The following SLC5A12 variants were observed in gnomAD, a reference collection of about 807,000 sequenced individuals.
SLC5A12 encodes the protein solute carrier family 5 member 12, also known as sodium-coupled monocarboxylate transporter 2.
SLC5A12 carries 46 observed loss-of-function variants against 72.7 expected under a neutral mutation model. That is an observed-to-expected ratio of 0.63 (90% CI 0.50 to 0.81). The LOEUF (loss-of-function observed/expected upper bound fraction) is 0.81. Ranked by LOEUF, SLC5A12 falls within the 30% of genes least tolerant of loss-of-function variation. SLC5A12 has a pLI of 0.00. For missense variants in SLC5A12, 683 were observed against 740.7 expected, an observed-to-expected ratio of 0.92 and a Z score of 0.90; for synonymous variants, 275 against 264.4, an observed-to-expected ratio of 1.04 and a Z score of -0.39.
At chr11:26,709,723 T>C (rs1855176565) in intron 3 of SLC5A12, among the ~76,000 whole-genome samples, 1 of 152,024 alleles carries the variant, frequency 6.6e-6, no homozygotes, top group Non-Finnish European at 1.5e-5. Flanking sequence ...ACATGAGCCA[T>C]GAGCAGGGAT....
At chr11:26,715,027 C>G (rs991175297) in intron 1 of SLC5A12, among the ~76,000 whole-genome samples, 2 of 151,828 alleles carry the variant, frequency 1.3e-5, no homozygotes, top group Non-Finnish European at 2.9e-5. Flanking sequence ...GTAGAAAACA[C>G]TGAAATGTCT....
At chr11:26,709,457 C>T (rs1284420880) in intron 3 of SLC5A12, 78 bp from the exon 4 acceptor site, 1 of 1,097,892 alleles carries the variant, frequency 9.1e-7, no homozygotes, top group Non-Finnish European at 1.3e-6. Flanking sequence ...GAAAAAGACA[C>T]AATATTTTTA....
chr11:26,720,349 A>ATAAG (rs1554997300), intron 1 of SLC5A12, among the ~76,000 whole-genome samples: 1 of 150,752 alleles, frequency 6.6e-6, no homozygotes, highest in Non-Finnish European at 1.5e-5. Flanking sequence ...AAATAAATAA[A>ATAAG]TAAGTAAATA....
At chr11:26,693,011 T>C (rs532709210) in intron 8 of SLC5A12, among the ~76,000 whole-genome samples, 1 of 152,300 alleles carries the variant, frequency 6.6e-6, no homozygotes, top group East Asian at 1.9e-4. Flanking sequence ...TAATTATTCA[T>C]TCATTTATTT....
intron 13 of SLC5A12, among the ~76,000 whole-genome samples, chr11:26,676,200 T>C (rs1393288073): frequency 6.6e-6 from 1 of 152,156 alleles, no homozygotes. Context: ...ATTAATTATC[T>C]AATACAAAGA....
intron 1 of SLC5A12, 22 bp downstream of exon 1, chr11:26,721,351 GAGA>G: frequency 1.3e-6 from 2 of 1,543,578 alleles, no homozygotes; most frequent in African/African-American, 1.4e-5. Flanking sequence ...AAAAAAATTA[GAGA>G]AGAATGGAGA....
intron 9 of SLC5A12, among the ~76,000 whole-genome samples, chr11:26,691,463 G>GT (rs34043474): frequency 0.14 from 20,442 of 150,120 alleles, 1,733 homozygotes; most frequent in African/African-American, 0.24. Context: ...TTATGTACAT[G>GT]TTTTTTTTTG....
intron 12 of SLC5A12, among the ~76,000 whole-genome samples, chr11:26,679,564 C>G (rs1286067041): frequency 6.6e-6 from 1 of 151,954 alleles, no homozygotes; most frequent in African/African-American, 2.4e-5. Context: ...GAATAGGAGA[C>G]ACTAGTATGG....
chr11:26,668,387 GA>G lies in SLC5A12; in HGVS notation c.*2714del, dbSNP rs1210368764. 1 of 151,986 alleles carries G rather than the reference GA, an allele frequency of 6.6e-6. No homozygotes were observed. Among genetic ancestry groups the G allele is most frequent in the East Asian group, 1.9e-4 (1 of 5,178 alleles). The allele number at this position is 151,986 out of a possible 1,614,324, so 9.4% of individuals were successfully genotyped here. On this transcript the variant is annotated 3_prime_UTR_variant, in exon 15 of 15. Transcript: ENST00000396005. The stretch of plus-strand genomic sequence containing the variant: ...CATCATTCCTAGTGCCATTTATTGA[GA>G]ATGTCTCTGGTCATGCTGTGGCAAA...
intron 14 of SLC5A12, among the ~76,000 whole-genome samples, chr11:26,671,468 T>C (rs1854141360): frequency 6.6e-6 from 1 of 152,152 alleles, no homozygotes. Flanking sequence ...AACAATTTAT[T>C]GAGCATTTAC....
At chr11:26,686,631 T>C (rs549121443) in intron 9 of SLC5A12, 87 bp from the exon 10 acceptor site, 1 of 1,186,224 alleles carries the variant, frequency 8.4e-7, no homozygotes, top group African/African-American at 1.5e-5. Context: ...GAACTGTCTC[T>C]GATCCAAGCC....
chr11:26,688,361 T>C (rs1198597428), intron 9 of SLC5A12, among the ~76,000 whole-genome samples: 1 of 152,154 alleles, frequency 6.6e-6, no homozygotes, highest in Non-Finnish European at 1.5e-5. Context: ...TCCATGAATA[T>C]CTGCCAGAAA....
rs1346402246 is a variant in SLC5A12, at chr11:26,681,183, T to C, written c.1347A>G (p.Ser449=). 1 of 1,609,100 alleles carries C rather than the reference T, an allele frequency of 6.2e-7. No homozygotes were observed. Among genetic ancestry groups the C allele is most frequent in the South Asian group, 1.1e-5 (1 of 90,328 alleles). Reference sequence around the variant, plus strand: ...TGAAGGCCCCAATGGCCACCCAAAATGACAAGGTGATTCCAGTAAGAAGAC... The same window carrying C: ...TGAAGGCCCCAATGGCCACCCAAAACGACAAGGTGATTCCAGTAAGAAGAC... The part of the protein sequence containing the change: ...LGGLLTGITL[S]FWVAIGAFIY... Residue 449 remains serine (S), a synonymous_variant, in exon 12 of 15, where the codon TCA becomes TCG. Transcript: ENST00000396005.
intron 1 of SLC5A12, among the ~76,000 whole-genome samples, chr11:26,714,943 G>C (rs1029082236): frequency 6.6e-6 from 1 of 152,080 alleles, no homozygotes; most frequent in African/African-American, 2.4e-5. Flanking sequence ...ATGTGAATGA[G>C]GGCATCAGAC....
intron 4 of SLC5A12, among the ~76,000 whole-genome samples, chr11:26,706,439 A>AGGTAG (rs1427890389): frequency 6.6e-6 from 1 of 151,980 alleles, no homozygotes; most frequent in Admixed American, 6.6e-5. Context: ...ACCAGTTAGA[A>AGGTAG]GGTAGTTTAT....
At position 26,669,200 on chromosome 11, in the gene SLC5A12, T is replaced by C. The variant is rs1854077461; in HGVS notation, c.*1902A>G. 1 of 137,304 alleles carries C rather than the reference T, an allele frequency of 7.3e-6. No homozygotes were observed. Among genetic ancestry groups the C allele is most frequent in the Admixed American group, 7.3e-5 (1 of 13,714 alleles). The allele number at this position is 137,304 out of a possible 1,614,324, so 8.5% of individuals were successfully genotyped here. ...CTTTCTTTCTTCTTTTCTTTCTTTCTTTCTTTCTTTCTTTCTTTCTCTCTC... is the reference window on the plus strand; with the variant it reads ...CTTTCTTTCTTCTTTTCTTTCTTTCCTTCTTTCTTTCTTTCTTTCTCTCTC... On this transcript the variant is annotated 3_prime_UTR_variant, in exon 15 of 15. Transcript: ENST00000396005.
intron 4 of SLC5A12, among the ~76,000 whole-genome samples, chr11:26,707,478 G>A (rs2133203864): frequency 6.6e-6 from 1 of 151,910 alleles, no homozygotes; most frequent in Non-Finnish European, 1.5e-5. Flanking sequence ...TCCACCATAT[G>A]TCTCCATTTC....
intron 1 of SLC5A12, among the ~76,000 whole-genome samples, chr11:26,713,437 C>CTT (rs10678793): frequency 0.1 from 15,271 of 152,098 alleles, 1,348 homozygotes; most frequent in African/African-American, 0.24. Context: ...TTCACAAAGT[C>CTT]TTAGTCATCT....
chr11:26,711,328 G>C lies in SLC5A12; in HGVS notation c.436C>G (p.Pro146Ala). 1.9e-6 allele frequency: 3 copies of C among 1,611,912 alleles called. No individual in the cohort carries two copies. The highest frequency in any genetic ancestry group is 2.5e-6 in the Non-Finnish European group (3 of 1,178,626). ...ILYTGVVVYA[P>A]ALALNQVTGF... ...TCACCTTGATTGAGTGCCAGGGCAGGAGCATACACCACCACTCCTGTGTAG... is the reference window on the plus strand; with the variant it reads ...TCACCTTGATTGAGTGCCAGGGCAGCAGCATACACCACCACTCCTGTGTAG... Residue 146 changes from proline to alanine, a missense_variant, in exon 3 of 15, where the codon CCT becomes GCT. Transcript: ENST00000396005.
Sources: gnomAD v4.1 joint callset for allele counts (sites outside exome capture counted in the v4.1 genomes callset) on GRCh38, gnomAD v4.1.1 for gene constraint, MANE v1.5 for transcripts, NCBI Gene and HGNC (gene_info 2026-07-23, HGNC 2026-07-21) for gene names.